TRIT1: variants seen among roughly 807,000 people sequenced by gnomAD.
The protein encoded by TRIT1 is tRNA dimethylallyltransferase.
In TRIT1, 43 loss-of-function variants were observed where a neutral mutation model predicts 51.2. The observed-to-expected ratio is 0.84, with a 90% confidence interval of 0.66 to 1.08. TRIT1 has a LOEUF of 1.08. TRIT1 is among the 50% of genes least tolerant of loss of function. The pLI is 0.00. For synonymous variants in TRIT1, 184 were observed against 203.9 expected (o/e 0.90, Z 0.83); for missense variants, 528 against 578.4 (o/e 0.91, Z 0.89).
rs764194368 is a variant in TRIT1, at chr1:39,838,592, C to A, written c.*3152G>T. On this transcript the variant is annotated 3_prime_UTR_variant, in exon 11 of 11. Coordinates refer to ENST00000316891, the MANE Select transcript of TRIT1 (RefSeq NM_017646.6). Reference sequence around the variant, plus strand: ...GCCCAAGCCATCCTCCTACCTGAGCCTTCCACGTAGCTGGGACTATAGGCA... The same window carrying A: ...GCCCAAGCCATCCTCCTACCTGAGCATTCCACGTAGCTGGGACTATAGGCA... Among the ~76,000 whole-genome samples, 57 of 152,218 alleles carry A rather than the reference C, an allele frequency of 3.7e-4. No individual in the cohort carries two copies. The highest frequency in any genetic ancestry group is 5.9e-4 in the Non-Finnish European group (40 of 68,044).
At chr1:39,855,137 C>T (rs1570027546) in intron 2 of TRIT1, among the ~76,000 whole-genome samples, 1 of 152,326 alleles carries the variant, frequency 6.6e-6, no homozygotes, top group East Asian at 1.9e-4. Context: ...CAGGCGATAG[C>T]CATCGTGCCT....
intron 3 of TRIT1, 135 bp from the exon 4 acceptor site, chr1:39,853,011 A>G (rs2124608291): frequency 1.0e-6 from 1 of 990,542 alleles, no homozygotes; most frequent in East Asian, 2.6e-5. Flanking sequence ...CATAAACAGA[A>G]AATTCCAATA....
chr1:39,849,075 T>A (rs1298815163), intron 5 of TRIT1, among the ~76,000 whole-genome samples: 1 of 152,170 alleles, frequency 6.6e-6, no homozygotes. Flanking sequence ...TTCTTCTACA[T>A]CTCTATCATT....
intron 1 of TRIT1, among the ~76,000 whole-genome samples, chr1:39,878,612 A>G (rs1644145435): frequency 6.6e-6 from 1 of 152,246 alleles, no homozygotes; most frequent in South Asian, 2.1e-4. Flanking sequence ...TTGGTTTTAA[A>G]AAACCCAATT....
At chr1:39,853,403 GT>G (rs3835696) in intron 3 of TRIT1, among the ~76,000 whole-genome samples, 9,564 of 147,692 alleles carry the variant, frequency 0.065, 732 homozygotes, top group East Asian at 0.18. Context: ...AATCGCATCT[GT>G]TTTTTTTTTT....
At chr1:39,866,207 C>T (rs1570086375) in intron 1 of TRIT1, among the ~76,000 whole-genome samples, 1 of 152,026 alleles carries the variant, frequency 6.6e-6, no homozygotes, top group African/African-American at 2.4e-5. Flanking sequence ...GACAGAGTCT[C>T]TGTCTCCCAG....
chr1:39,846,626 T>C (rs377737297), intron 8 of TRIT1, among the ~76,000 whole-genome samples: 3 of 152,304 alleles, frequency 2.0e-5, no homozygotes, highest in African/African-American at 7.2e-5. Context: ...TTCTTATCTG[T>C]AAAAATAAAA....
chr1:39,867,513 T>C (rs1643620293), intron 1 of TRIT1, among the ~76,000 whole-genome samples: 1 of 152,210 alleles, frequency 6.6e-6, no homozygotes. Flanking sequence ...GTATCAATCT[T>C]ACTAGGTAGC....
At position 39,847,917 on chromosome 1, in the gene TRIT1, T is replaced by A. The variant is rs1020513401; in HGVS notation, c.815+69A>T. ...TAAACAAGTAGACCCAAAGCCAGTA[T>A]TAGCGTTATGGTCTTTTGATTGTCT... is the stretch of plus-strand genomic sequence containing the variant. On this transcript the variant is annotated intron_variant, in intron 6 of 10. Transcript: ENST00000316891. The A allele has an allele frequency of 3.4e-6, 5 of 1,458,522 alleles. No homozygotes were observed. In the East Asian group the frequency reaches 9.1e-5, roughly 26 times the overall value. The allele number at this position is 1,458,522 out of a possible 1,614,324, so 90.3% of individuals were successfully genotyped here.
At position 39,839,795 on chromosome 1, in the gene TRIT1, T is replaced by C. The variant is rs1192842163; in HGVS notation, c.*1949A>G. On this transcript the variant is annotated 3_prime_UTR_variant, in exon 11 of 11. Coordinates refer to ENST00000316891, the MANE Select transcript of TRIT1 (RefSeq NM_017646.6). ...AGATAACAATGAGTTCAATGAGAAG[T>C]TACTGCTCCAGGTATTTCAGATGGA... Among the ~76,000 whole-genome samples the C allele has an allele frequency of 6.6e-6, 1 of 152,168 alleles. No individual in the cohort carries two copies. The highest frequency in any genetic ancestry group is 1.5e-5 in the Non-Finnish European group (1 of 68,028).
intron 4 of TRIT1, chr1:39,852,461 C>G (rs1328492691): frequency 2.8e-6 from 1 of 357,692 alleles, no homozygotes; most frequent in African/African-American, 2.1e-5. Flanking sequence ...AAGCAAAGAT[C>G]AAATAGAAAA....
At chr1:39,879,035 C>T (rs564340492) in intron 1 of TRIT1, among the ~76,000 whole-genome samples, 10 of 152,180 alleles carry the variant, frequency 6.6e-5, no homozygotes, top group Non-Finnish European at 8.8e-5. Flanking sequence ...TTTGGGAGGC[C>T]GAGGCTGGCG....
At chr1:39,864,857 T>C (rs1279952741) in intron 1 of TRIT1, among the ~76,000 whole-genome samples, 2 of 152,166 alleles carry the variant, frequency 1.3e-5, no homozygotes, top group Non-Finnish European at 2.9e-5. Flanking sequence ...TGTCCCAACA[T>C]AGCTGTCTAC....
intron 1 of TRIT1, 83 bp downstream of exon 1, chr1:39,883,235 G>T: frequency 6.8e-7 from 1 of 1,460,610 alleles, no homozygotes; most frequent in Non-Finnish European, 9.3e-7. Context: ...AAGCCTCGGG[G>T]TTCACCCTTT....
At chr1:39,872,780 CAG>C (rs1553146996) in intron 1 of TRIT1, among the ~76,000 whole-genome samples, 29 of 106,146 alleles carry the variant, frequency 2.7e-4, no homozygotes, top group African/African-American at 3.2e-4. Context: ...CACACACACA[CAG>C]AGAGAGAGAG....
At chr1:39,848,192 A>T (rs1445129214) in intron 5 of TRIT1, 95 bp from the exon 6 acceptor site, 1 of 846,984 alleles carries the variant, frequency 1.2e-6, no homozygotes. Flanking sequence ...AAAAAAGAGA[A>T]TTTGTCCAAA....
In TRIT1 at chr1:39,853,953, G is replaced by A. The variant is rs781632769; in HGVS notation, c.414+17C>T. 6 of 1,548,626 alleles carry A rather than the reference G, an allele frequency of 3.9e-6. No homozygotes were observed. The highest frequency in any genetic ancestry group is 3.4e-5 in the Admixed American group (2 of 58,210). On this transcript the variant is annotated intron_variant, in intron 3 of 10. Transcript: ENST00000316891. ...GCAATCCATTTCCTCAGTGAGTTAC[G>A]AGTGAACTAAACTTACCTTGGTATT...
At chr1:39,861,648 G>T (rs1448242614) in intron 1 of TRIT1, among the ~76,000 whole-genome samples, 4 of 152,138 alleles carry the variant, frequency 2.6e-5, no homozygotes, top group Admixed American at 1.3e-4. Flanking sequence ...GAAGTTGGCC[G>T]GGCGGTGGGT....
intron 1 of TRIT1, among the ~76,000 whole-genome samples, chr1:39,859,232 G>C (rs1464903062): frequency 1.7e-5 from 2 of 119,694 alleles, no homozygotes; most frequent in East Asian, 5.0e-4. Context: ...TTCCAGCCTG[G>C]GCAACAGAGT....
Sources: gnomAD v4.1 joint callset for allele counts (sites outside exome capture counted in the v4.1 genomes callset) on GRCh38, gnomAD v4.1.1 for gene constraint, MANE v1.5 for transcripts, NCBI Gene and HGNC (gene_info 2026-07-23, HGNC 2026-07-21) for gene names.